Variants in TRAPPC9 observed in about 807,000 individuals in gnomAD.
TRAPPC9 encodes IKK2 binding protein.
In TRAPPC9, 83 loss-of-function variants were observed where a neutral mutation model predicts 124.0. The observed-to-expected ratio is 0.67, with a 90% CI of 0.56 to 0.80. TRAPPC9 has a LOEUF of 0.80. TRAPPC9 is among the 30% of genes least tolerant of loss of function. TRAPPC9 has a pLI of 0.00. For missense variants in TRAPPC9, 1,302 were observed against 1,508.3 expected (o/e 0.86, Z 2.27); for synonymous variants, 638 against 617.5 (o/e 1.03, Z -0.49).
intron 17 of TRAPPC9, among the ~76,000 whole-genome samples, chr8:140,174,996 T>G (rs1236472233): frequency 7.5e-6 from 1 of 133,890 alleles, no homozygotes; most frequent in Non-Finnish European, 1.7e-5. Flanking sequence ...TCAATGCACC[T>G]GGGGATTTTT....
intron 14 of TRAPPC9, among the ~76,000 whole-genome samples, chr8:140,278,563 C>A (rs891812185): frequency 1.3e-5 from 2 of 152,238 alleles, no homozygotes; most frequent in African/African-American, 2.4e-5. Flanking sequence ...TCAAGATGGG[C>A]CTGGGACAGA....
intron 2 of TRAPPC9, among the ~76,000 whole-genome samples, chr8:140,442,284 T>C: frequency 6.6e-6 from 1 of 152,272 alleles, no homozygotes; most frequent in South Asian, 2.1e-4. Context: ...AATAAAACCA[T>C]ACAAATATTT....
Position 140,275,755 on chromosome 8 carries a change from G to A in TRAPPC9, c.2181C>T (p.Tyr727=), listed in dbSNP as rs2065097059. Residue 727 remains tyrosine, a synonymous_variant, in exon 15 of 23, where the codon TAC becomes TAT. Transcript: ENST00000438773. ...EISTNVSVQL[Y]NGESQQLIIK... is the part of the protein sequence containing the mutation. Reference sequence around the variant, plus strand: ...TGATTAGTTGCTGACTTTCTCCATTGTAAAGCTGGACAGATACATTAGTAG... The same window carrying A: ...TGATTAGTTGCTGACTTTCTCCATTATAAAGCTGGACAGATACATTAGTAG... 1 of 1,613,476 alleles carries A rather than the reference G, an allele frequency of 6.2e-7. No individual in the cohort carries two copies. Among genetic ancestry groups the A allele is most frequent in the Non-Finnish European group, 8.5e-7 (1 of 1,179,418 alleles).
At chr8:140,305,378 G>A (rs899632664) in intron 10 of TRAPPC9, among the ~76,000 whole-genome samples, 5 of 152,046 alleles carry the variant, frequency 3.3e-5, no homozygotes, top group African/African-American at 1.2e-4. Flanking sequence ...TCCGCTCACT[G>A]CAACCTCCGC....
At chr8:139,921,502 G>A (rs1181424264) in intron 19 of TRAPPC9, among the ~76,000 whole-genome samples, 1 of 152,182 alleles carries the variant, frequency 6.6e-6, no homozygotes, top group Non-Finnish European at 1.5e-5. Flanking sequence ...CTTTTAGCAT[G>A]TTAGAGGAGT....
chr8:140,406,769 T>C (rs2069507968), intron 5 of TRAPPC9, among the ~76,000 whole-genome samples: 2 of 152,138 alleles, frequency 1.3e-5, no homozygotes, highest in South Asian at 2.1e-4. Context: ...AACAGAACTG[T>C]GGAGAGGCAG....
At chr8:139,929,325 G>T (rs1482103133) in intron 19 of TRAPPC9, among the ~76,000 whole-genome samples, 1 of 152,134 alleles carries the variant, frequency 6.6e-6, no homozygotes, top group African/African-American at 2.4e-5. Flanking sequence ...TGAAAGCTTG[G>T]GGTCACCAGG....
chr8:140,129,496 G>T (rs1232402839), intron 17 of TRAPPC9, among the ~76,000 whole-genome samples: 1 of 152,184 alleles, frequency 6.6e-6, no homozygotes, highest in Non-Finnish European at 1.5e-5. Flanking sequence ...CCAAGGAGGG[G>T]TCTAAAGGGT....
intron 19 of TRAPPC9, among the ~76,000 whole-genome samples, chr8:139,944,337 TTTC>T (rs1389947707): frequency 6.6e-6 from 1 of 152,214 alleles, no homozygotes; most frequent in Non-Finnish European, 1.5e-5. Context: ...AAAATATTGT[TTTC>T]TTATTTATTT....
rs141611121 is a variant in TRAPPC9, at chr8:140,055,966, CT to C, written c.2557-31888del. 7.0e-3 allele frequency among the ~76,000 whole-genome samples: 1,064 copies of C among 151,628 alleles called. 7 individuals carry two copies. The highest frequency in any genetic ancestry group is 0.024 in the African/African-American group (989 of 41,324). On this transcript the variant is annotated intron_variant, in intron 17 of 22. Transcript: ENST00000438773. ...GATGTAATCTCCATCTAAACAAAGG[CT>C]TTTTTTTAACAAAATTACAGAAAAA...
chr8:140,239,663 G>A (rs796663294), intron 16 of TRAPPC9, among the ~76,000 whole-genome samples: 4 of 152,302 alleles, frequency 2.6e-5, no homozygotes, highest in African/African-American at 7.2e-5. Context: ...CGTGCACTCC[G>A]CCAGGTCCTC....
intron 9 of TRAPPC9, among the ~76,000 whole-genome samples, chr8:140,332,685 A>G (rs2066925275): frequency 6.6e-6 from 1 of 152,228 alleles, no homozygotes; most frequent in African/African-American, 2.4e-5. Flanking sequence ...ACATCTAACT[A>G]TGAAGCAATG....
In TRAPPC9 at chr8:140,300,483, C is replaced by G; in HGVS notation, c.1754G>C (p.Arg585Pro). The change falls in exon 11 of 23, where the codon CGG becomes CCG. Residue 585 changes from arginine (R) to proline (P), a missense_variant. Arg to Pro is a moderately radical substitution (Grantham distance 103, BLOSUM62 -2). Coordinates refer to ENST00000438773, the MANE Select transcript of TRAPPC9 (RefSeq NM_001160372.4). Reference protein sequence around the residue: ...PIIAHNRGEERNKKIDFQWVQ... With the variant: ...PIIAHNRGEEPNKKIDFQWVQ... Reference sequence around the variant, plus strand: ...CGACGTCCTACCTATTTTCTTGTTCCGCTCTTCTCCACGGTTGTGTGCGAT... The same window carrying G: ...CGACGTCCTACCTATTTTCTTGTTCGGCTCTTCTCCACGGTTGTGTGCGAT... 6.2e-7 allele frequency: 1 copy of G among 1,614,192 alleles called. No individual in the cohort carries two copies. The highest frequency in any genetic ancestry group is 8.5e-7 in the Non-Finnish European group (1 of 1,180,032).
rs78838368 is a variant in TRAPPC9, at chr8:139,863,896, C to T, written c.3055+21983G>A. ...ACCGGGCAGGCTGGAAAACAGAGTG[C>T]AGGTCTGAGGCTCTAGCTGACATCA... On this transcript the variant is annotated intron_variant, in intron 21 of 22. Transcript: ENST00000438773. Among the ~76,000 whole-genome samples the T allele has an allele frequency of 5.4e-3, 817 of 152,328 alleles. 4 individuals are homozygous for T. Among genetic ancestry groups the T allele is most frequent in the African/African-American group, 0.019 (785 of 41,568 alleles).
rs199732398 is a variant in TRAPPC9 at position 139,881,531 on chromosome 8, C to G, written c.3055+4348G>C. On this transcript the variant is annotated intron_variant, in intron 21 of 22. Transcript: ENST00000438773. Reference sequence around the variant, plus strand: ...AACTAGCAAATAGACCTGCTCTGGTCTCATGATGAAGTCACTCACCCACAT... The same window carrying G: ...AACTAGCAAATAGACCTGCTCTGGTGTCATGATGAAGTCACTCACCCACAT... 2.0e-5 allele frequency among the ~76,000 whole-genome samples: 3 copies of G among 152,156 alleles called. No individual in the cohort carries two copies. The East Asian group carries it at 5.8e-4, about 29-fold the overall frequency.
chr8:140,343,174 C>A (rs1484650763), intron 9 of TRAPPC9, among the ~76,000 whole-genome samples: 2 of 152,060 alleles, frequency 1.3e-5, no homozygotes, highest in African/African-American at 2.4e-5. Flanking sequence ...CAATTGAAAA[C>A]TCCTCATAAG....
chr8:139,905,950 C>A (rs1440509322), intron 20 of TRAPPC9, among the ~76,000 whole-genome samples: 3 of 151,512 alleles, frequency 2.0e-5, no homozygotes, highest in Non-Finnish European at 4.4e-5. Context: ...AAAAATTAGC[C>A]GGGCGTGGTG....
At chr8:140,198,257 C>T (rs1162676600) in intron 17 of TRAPPC9, among the ~76,000 whole-genome samples, 1 of 152,228 alleles carries the variant, frequency 6.6e-6, no homozygotes, top group Non-Finnish European at 1.5e-5. Flanking sequence ...CCAAAGCAGA[C>T]CTCCTCCTTG....
At position 139,802,838 on chromosome 8, in the gene TRAPPC9, G is replaced by A. The variant is rs1586876387; in HGVS notation, c.3056-70636C>T. 1.3e-5 allele frequency among the ~76,000 whole-genome samples: 2 copies of A among 152,234 alleles called. 1 individual carries two copies. Among genetic ancestry groups the A allele is most frequent in the Middle Eastern group, 6.8e-3 (2 of 294 alleles). ...GTGGAATGTGAAGTGTATGTGTCAC[G>A]TGTGCATCCGTATCTGAAGGTGCGT... On this transcript the variant is annotated intron_variant, in intron 21 of 22. Coordinates refer to ENST00000438773, the MANE Select transcript of TRAPPC9 (RefSeq NM_001160372.4).
Sources: gnomAD v4.1 joint callset for allele counts (sites outside exome capture counted in the v4.1 genomes callset) on GRCh38, gnomAD v4.1.1 for gene constraint, MANE v1.5 for transcripts, NCBI Gene and HGNC (gene_info 2026-07-23, HGNC 2026-07-21) for gene names.